VPS41: variants seen among roughly 807,000 people sequenced by gnomAD.
The protein encoded by VPS41 is VPS41 subunit of HOPS complex, also known as vacuolar protein sorting-associated protein 41 homolog.
Under a neutral mutation model 130.9 loss-of-function variants are expected in VPS41, and 85 were observed. The observed-to-expected ratio is 0.65, with a 90% CI of 0.55 to 0.78. The LOEUF (loss-of-function observed/expected upper bound fraction) is 0.78. VPS41 is among the 30% of genes least tolerant of loss of function. VPS41 has a pLI of 0.00. For missense variants in VPS41, 874 were observed against 1,018.7 expected (o/e 0.86, Z 1.93); for synonymous variants, 335 against 332.9 (o/e 1.01, Z -0.07).
intron 14 of VPS41, among the ~76,000 whole-genome samples, chr7:38,769,910 C>A (rs1408796802): frequency 6.6e-6 from 1 of 152,122 alleles, no homozygotes; most frequent in African/African-American, 2.4e-5. Context: ...CTAGATGTTC[C>A]AAGAGAGAAG....
chr7:38,843,435 C>A (rs1785654761), intron 4 of VPS41, among the ~76,000 whole-genome samples: 3 of 152,172 alleles, frequency 2.0e-5, no homozygotes, highest in Non-Finnish European at 4.4e-5. Context: ...GTAATCCCAG[C>A]ACTTTGGGAG....
At chr7:38,773,996 C>G in intron 12 of VPS41, 119 bp downstream of exon 12, 1 of 1,000,644 alleles carries the variant, frequency 1.0e-6, no homozygotes. Context: ...ACACAGTCTA[C>G]GCAGGTATTC....
intron 9 of VPS41, among the ~76,000 whole-genome samples, chr7:38,793,154 G>C (rs1784563648): frequency 6.6e-6 from 1 of 152,048 alleles, no homozygotes; most frequent in Non-Finnish European, 1.5e-5. Context: ...ATACTTACTT[G>C]TTTTTGTCCA....
chr7:38,780,768 T>C (rs1227521002), intron 10 of VPS41, among the ~76,000 whole-genome samples: 1 of 152,160 alleles, frequency 6.6e-6, no homozygotes, highest in East Asian at 1.9e-4. Flanking sequence ...ATCCCCAGTG[T>C]TGGACGAGGG....
intron 2 of VPS41, among the ~76,000 whole-genome samples, chr7:38,890,995 T>C (rs1353445692): frequency 2.9e-5 from 4 of 137,538 alleles, no homozygotes; most frequent in Non-Finnish European, 6.2e-5. Context: ...TATTTCAAAA[T>C]GACTTTTTTT....
intron 2 of VPS41, among the ~76,000 whole-genome samples, chr7:38,896,199 C>G (rs3801114): frequency 0.27 from 40,710 of 152,176 alleles, 6,935 homozygotes; most frequent in Non-Finnish European, 0.39. Context: ...TGAAATTCCT[C>G]AACAGAGTTC....
chr7:38,756,912 G>T lies in VPS41; in HGVS notation c.1621C>A (p.Gln541Lys). 1.2e-6 allele frequency: 2 copies of T among 1,600,714 alleles called. No homozygotes were observed. Among genetic ancestry groups the T allele is most frequent in the Middle Eastern group, 1.7e-4 (1 of 5,954 alleles). Residue 541 changes from glutamine (Q) to lysine (K), a missense_variant, in exon 19 of 29, where the codon CAG becomes AAG. Transcript: ENST00000310301. ...YLTLRHKDVF[Q>K]LIHKHNLFSS... ...AAAAGATTATGCTTGTGGATCAACTGAAAAACGTCTTTATGTCTTAATGTT... is the reference window on the plus strand; with the variant it reads ...AAAAGATTATGCTTGTGGATCAACTTAAAAACGTCTTTATGTCTTAATGTT...
At chr7:38,899,446 C>A (rs970638272) in intron 1 of VPS41, among the ~76,000 whole-genome samples, 6 of 152,194 alleles carry the variant, frequency 3.9e-5, no homozygotes, top group African/African-American at 1.4e-4. Context: ...TGACATGTAT[C>A]ATGTTCCACC....
chr7:38,757,070 T>C, intron 18 of VPS41, 88 bp from the exon 19 acceptor site: 1 of 1,051,270 alleles, frequency 9.5e-7, no homozygotes, highest in South Asian at 1.4e-5. Context: ...ATATTAAAAA[T>C]GGAAACACTC....
chr7:38,851,767 A>C (rs1427095701), intron 4 of VPS41, among the ~76,000 whole-genome samples: 1 of 152,204 alleles, frequency 6.6e-6, no homozygotes, highest in Non-Finnish European at 1.5e-5. Flanking sequence ...TCGTACATCC[A>C]CCAGCAGTGT....
chr7:38,765,471 G>T, intron 16 of VPS41, 109 bp downstream of exon 16: 3 of 698,718 alleles, frequency 4.3e-6, no homozygotes, highest in Non-Finnish European at 6.9e-6. Context: ...TTCCATCTGA[G>T]ATAATAATCA....
rs1418605066 is a variant in VPS41 at position 38,726,313 on chromosome 7, T to A, written c.2498A>T (p.Gln833Leu). The change falls in exon 29 of 29, where the codon CAG (glutamine) becomes CTG (leucine). Residue 833 changes from glutamine to leucine, a missense_variant. Gln to Leu is a moderately radical substitution (Grantham distance 113). Transcript: ENST00000310301. ...LPMPSMNSAA[Q>L]FCNICSAKNR... ...CTTAGCACTGCAGATGTTGCAGAACTGTGCAGCAGAGTTCTAAAAATGCAA... is the reference window on the plus strand; with the variant it reads ...CTTAGCACTGCAGATGTTGCAGAACAGTGCAGCAGAGTTCTAAAAATGCAA... 1.2e-6 allele frequency: 2 copies of A among 1,613,052 alleles called. No individual in the cohort carries two copies.
intron 2 of VPS41, among the ~76,000 whole-genome samples, chr7:38,874,917 T>C (rs1043360202): frequency 1.3e-5 from 2 of 152,174 alleles, no homozygotes; most frequent in South Asian, 2.1e-4. Context: ...TCAGAACATT[T>C]GAATTTTAGG....
intron 1 of VPS41, among the ~76,000 whole-genome samples, chr7:38,904,525 C>T (rs1047781307): frequency 5.9e-5 from 9 of 152,182 alleles, no homozygotes; most frequent in African/African-American, 1.9e-4. Context: ...GAGAATTGTG[C>T]ATACGTAAGC....
Position 38,834,772 on chromosome 7 carries a change from A to AT in VPS41, c.247-4445dup, listed in dbSNP as rs200894077. ...AATGGGTTATTTCTTAAATTTTGAG[A>AT]TTTTTTTTTCATTTTTTTTCCACTT... On this transcript the variant is annotated intron_variant, in intron 4 of 28. Transcript: ENST00000310301. Among the ~76,000 whole-genome samples, 1,131 of 148,688 alleles carry AT rather than the reference A, an allele frequency of 7.6e-3. 30 individuals carry two copies. In the East Asian group the frequency reaches 0.1, roughly 14 times the overall value.
intron 7 of VPS41, among the ~76,000 whole-genome samples, chr7:38,803,286 T>C (rs569206409): frequency 2.0e-5 from 3 of 152,330 alleles, no homozygotes; most frequent in Non-Finnish European, 2.9e-5. Context: ...AAGAGTATCA[T>C]TGGCCCTGTT....
At chr7:38,819,226 A>AG (rs1785118566) in intron 6 of VPS41, among the ~76,000 whole-genome samples, 1 of 152,230 alleles carries the variant, frequency 6.6e-6, no homozygotes. Flanking sequence ...TGCAATAGCT[A>AG]GGCTCAGTCC....
At chr7:38,890,486 A>G (rs772034889) in intron 2 of VPS41, among the ~76,000 whole-genome samples, 1 of 152,180 alleles carries the variant, frequency 6.6e-6, no homozygotes, top group African/African-American at 2.4e-5. Context: ...GAATCTTCAC[A>G]TGATAAAACT....
chr7:38,887,612 A>G (rs1786762887), intron 2 of VPS41, among the ~76,000 whole-genome samples: 1 of 152,186 alleles, frequency 6.6e-6, no homozygotes, highest in African/African-American at 2.4e-5. Flanking sequence ...TCTTCAGGGT[A>G]TTATCCAGGA....
Sources: gnomAD v4.1 joint callset for allele counts (sites outside exome capture counted in the v4.1 genomes callset) on GRCh38, gnomAD v4.1.1 for gene constraint, MANE v1.5 for transcripts, NCBI Gene and HGNC (gene_info 2026-07-23, HGNC 2026-07-21) for gene names.